LRRC3B: variants seen among roughly 807,000 people sequenced by gnomAD.
The protein encoded by LRRC3B is leucine-rich repeat-containing protein 3B.
A neutral mutation model predicts 12.8 loss-of-function variants in LRRC3B; 2 were observed. The ratio of observed to expected loss-of-function variants is 0.16; its 90% CI spans 0.06 to 0.49. LRRC3B has a LOEUF of 0.49. Among genes scored for constraint, LRRC3B ranks in the 20% least tolerant of loss-of-function variants. The pLI is 0.96. For missense variants in LRRC3B, 189 were observed against 319.4 expected (o/e 0.59, Z 3.11); for synonymous variants, 132 against 122.0 (o/e 1.08, Z -0.54).
At chr3:26,699,689 T>C (rs528027697) in intron 1 of LRRC3B, among the ~76,000 whole-genome samples, 11 of 152,186 alleles carry the variant, frequency 7.2e-5, no homozygotes, top group Non-Finnish European at 1.3e-4. Context: ...TGGACTCTGG[T>C]GAATCTTGAG....
At chr3:26,704,387 A>C (rs1336658625) in intron 1 of LRRC3B, among the ~76,000 whole-genome samples, 1 of 152,162 alleles carries the variant, frequency 6.6e-6, no homozygotes, top group East Asian at 1.9e-4. Flanking sequence ...TAACATGTTT[A>C]TTGACACTAA....
At chr3:26,657,625 C>A (rs1414984877) in intron 1 of LRRC3B, among the ~76,000 whole-genome samples, 1 of 152,120 alleles carries the variant, frequency 6.6e-6, no homozygotes, top group Non-Finnish European at 1.5e-5. Context: ...TTGAGTCGAT[C>A]CAGAATTAGA....
At chr3:26,688,723 C>T (rs569601146) in intron 1 of LRRC3B, among the ~76,000 whole-genome samples, 1 of 152,286 alleles carries the variant, frequency 6.6e-6, no homozygotes, top group African/African-American at 2.4e-5. Flanking sequence ...CCCCCGTGTT[C>T]CAATCACCTC....
At chr3:26,666,000 T>C (rs1454189423) in intron 1 of LRRC3B, among the ~76,000 whole-genome samples, 1 of 152,216 alleles carries the variant, frequency 6.6e-6, no homozygotes, top group Non-Finnish European at 1.5e-5. Context: ...CCTTTGACTA[T>C]ATCCCATCTT....
intron 1 of LRRC3B, among the ~76,000 whole-genome samples, chr3:26,704,910 T>C (rs1269899561): frequency 6.6e-6 from 1 of 152,212 alleles, no homozygotes; most frequent in African/African-American, 2.4e-5. Context: ...AAGCCCTTCC[T>C]GTTTTGCTAT....
At chr3:26,640,997 C>G (rs1699019434) in intron 1 of LRRC3B, among the ~76,000 whole-genome samples, 1 of 152,160 alleles carries the variant, frequency 6.6e-6, no homozygotes. Flanking sequence ...AATAAACAGA[C>G]TTTCTACAGT....
intron 1 of LRRC3B, among the ~76,000 whole-genome samples, chr3:26,646,010 C>A (rs543686934): frequency 7.9e-5 from 12 of 152,270 alleles, no homozygotes; most frequent in East Asian, 5.8e-4. Flanking sequence ...AGTGACCATA[C>A]AATGTGGCCA....
chr3:26,692,596 A>C (rs1336811886), intron 1 of LRRC3B, among the ~76,000 whole-genome samples: 1 of 152,212 alleles, frequency 6.6e-6, no homozygotes, highest in Non-Finnish European at 1.5e-5. Context: ...AAAATTTTAA[A>C]ATGAGGTTTC....
At chr3:26,694,947 A>C (rs755177197) in intron 1 of LRRC3B, among the ~76,000 whole-genome samples, 3 of 152,194 alleles carry the variant, frequency 2.0e-5, no homozygotes, top group South Asian at 2.1e-4. Flanking sequence ...AAAAGTAAAA[A>C]TTCTCCTTAA....
chr3:26,685,521 CTCTATA>C (rs1344604673), intron 1 of LRRC3B, among the ~76,000 whole-genome samples: 448 of 41,398 alleles, frequency 0.011, no homozygotes, highest in African/African-American at 0.018. Flanking sequence ...CTCTCTCTCT[CTCTATA>C]TATATATATA....
rs527845194 is a variant in LRRC3B at position 26,686,701 on chromosome 3, T to C, written c.-160-22812T>C. Among the ~76,000 whole-genome samples the C allele has an allele frequency of 5.3e-5, 8 of 152,326 alleles. No homozygotes were observed. In the South Asian group the frequency reaches 1.2e-3, roughly 24 times the overall value. On this transcript the variant is annotated intron_variant, in intron 1 of 1. Transcript: ENST00000396641. ...GTTGAGATTCTAGGGAAGAAGACTC[T>C]GAGATGGGATTTGGCATGCAAGAGG...
At chr3:26,704,487 T>C (rs1700534992) in intron 1 of LRRC3B, among the ~76,000 whole-genome samples, 2 of 152,162 alleles carry the variant, frequency 1.3e-5, no homozygotes, top group South Asian at 2.1e-4. Context: ...TTATATTGTT[T>C]ATTTTGTATA....
At chr3:26,646,423 C>G (rs981677005) in intron 1 of LRRC3B, among the ~76,000 whole-genome samples, 1 of 152,000 alleles carries the variant, frequency 6.6e-6, no homozygotes, top group Non-Finnish European at 1.5e-5. Flanking sequence ...CAACACCGAT[C>G]AAGATCCATT....
intron 1 of LRRC3B, among the ~76,000 whole-genome samples, chr3:26,707,726 C>T (rs536859430): frequency 2.2e-4 from 34 of 152,108 alleles, no homozygotes; most frequent in Admixed American, 1.8e-3. Flanking sequence ...TCCTAGAATT[C>T]GTTGCCTTGT....
chr3:26,634,177 G>A (rs1052104202), intron 1 of LRRC3B, among the ~76,000 whole-genome samples: 1 of 152,214 alleles, frequency 6.6e-6, no homozygotes, highest in African/African-American at 2.4e-5. Context: ...TCAGCTCTCT[G>A]AGCCTTGGTT....
chr3:26,676,445 T>TG (rs1248557204), intron 1 of LRRC3B, among the ~76,000 whole-genome samples: 2 of 152,162 alleles, frequency 1.3e-5, no homozygotes, highest in Non-Finnish European at 2.9e-5. Flanking sequence ...TAGTATTCCA[T>TG]GGTGTATATG....
intron 1 of LRRC3B, among the ~76,000 whole-genome samples, chr3:26,636,926 CTT>C (rs1559350302): frequency 0.027 from 2,181 of 80,678 alleles, 78 homozygotes; most frequent in Non-Finnish European, 0.034. Context: ...CTCTTTCTTT[CTT>C]TCTTTCTTTC....
chr3:26,701,006 T>G (rs375826742), intron 1 of LRRC3B, among the ~76,000 whole-genome samples: 4 of 152,262 alleles, frequency 2.6e-5, no homozygotes, highest in East Asian at 1.9e-4. Context: ...CTCTTGATCA[T>G]TCTCTTCTAG....
intron 1 of LRRC3B, among the ~76,000 whole-genome samples, chr3:26,704,698 C>T (rs1185667101): frequency 6.6e-6 from 1 of 151,946 alleles, no homozygotes; most frequent in Admixed American, 6.6e-5. Context: ...ACTGTTGCAC[C>T]CAGCTCTCCA....
Sources: allele counts gnomAD v4.1 joint callset (sites outside exome capture counted in the v4.1 genomes callset), GRCh38; gene constraint gnomAD v4.1.1; transcripts MANE v1.5; gene names NCBI Gene and HGNC (gene_info 2026-07-23, HGNC 2026-07-21).